Variants in ATRN observed in about 807,000 individuals in gnomAD.
The protein encoded by ATRN is attractin-2.
A neutral mutation model predicts 178.7 loss-of-function variants in ATRN; 54 were observed. The ratio of observed to expected loss-of-function variants is 0.30; its 90% CI spans 0.24 to 0.38. The LOEUF is 0.38. ATRN is among the 10% of genes least tolerant of loss of function. The pLI is 1.00. For synonymous variants in ATRN, 636 were observed against 663.0 expected, an observed-to-expected ratio of 0.96 and a Z score of 0.63; for missense variants, 1,443 against 1,815.1, an observed-to-expected ratio of 0.79 and a Z score of 3.73.
intron 4 of ATRN, 71 bp from the exon 5 acceptor site, chr20:3,547,213 G>C: frequency 8.4e-7 from 1 of 1,190,306 alleles, no homozygotes; most frequent in Admixed American, 1.8e-5. Context: ...AAACTTGTGT[G>C]GGAGGAAGTT....
intron 1 of ATRN, 57 bp downstream of exon 1, chr20:3,471,574 C>G: frequency 7.4e-7 from 1 of 1,359,464 alleles, no homozygotes; most frequent in Non-Finnish European, 9.4e-7. Flanking sequence ...GGCTGAGGGG[C>G]GTTCGAGACG....
chr20:3,640,715 C>T (rs924452983), intron 27 of ATRN, among the ~76,000 whole-genome samples: 1 of 152,164 alleles, frequency 6.6e-6, no homozygotes, highest in Non-Finnish European at 1.5e-5. Context: ...CCACTATTCC[C>T]CCCAGAATTA....
intron 25 of ATRN, 91 bp from the exon 26 acceptor site, chr20:3,634,220 G>A: frequency 8.8e-7 from 1 of 1,134,180 alleles, no homozygotes. Context: ...GCATGTGGGA[G>A]CTGTTTTCAC....
At chr20:3,490,745 T>C (rs2084780835) in intron 1 of ATRN, 6 of 791,826 alleles carry the variant, frequency 7.6e-6, no homozygotes, top group Admixed American at 1.7e-5. Flanking sequence ...GGAATTCCTT[T>C]ATTTACTCGA....
chr20:3,472,545 A>G (rs6051885), intron 1 of ATRN, among the ~76,000 whole-genome samples: 143,137 of 152,274 alleles, frequency 0.94, 67,297 homozygotes, highest in South Asian at 0.99. Flanking sequence ...TGAGAGAAAT[A>G]AACATGGTAA....
chr20:3,554,417 G>C (rs1230155661), intron 6 of ATRN, among the ~76,000 whole-genome samples: 3 of 151,676 alleles, frequency 2.0e-5, no homozygotes, highest in South Asian at 2.1e-4. Context: ...CTCACTGCAG[G>C]CTCCGCCTCC....
chr20:3,609,803 C>G (rs1431514376), intron 24 of ATRN, among the ~76,000 whole-genome samples: 1 of 150,730 alleles, frequency 6.6e-6, no homozygotes, highest in Non-Finnish European at 1.5e-5. Flanking sequence ...CTGATACATG[C>G]GACAACACAA....
intron 1 of ATRN, among the ~76,000 whole-genome samples, chr20:3,493,129 TG>T (rs2084830218): frequency 9.4e-6 from 1 of 106,674 alleles, no homozygotes; most frequent in African/African-American, 2.9e-5. Flanking sequence ...TGTTTGTGTG[TG>T]TGTGTGTGTG....
intron 24 of ATRN, 97 bp downstream of exon 24, chr20:3,604,359 G>A: frequency 1.4e-6 from 2 of 1,379,862 alleles, no homozygotes; most frequent in Non-Finnish European, 2.0e-6. Context: ...AATGAGATGT[G>A]CAATGTGGCT....
At chr20:3,518,338 A>G (rs1422732111) in intron 1 of ATRN, among the ~76,000 whole-genome samples, 1 of 152,206 alleles carries the variant, frequency 6.6e-6, no homozygotes, top group Non-Finnish European at 1.5e-5. Flanking sequence ...CCGAGGAAAA[A>G]GCCCATAAGG....
intron 1 of ATRN, among the ~76,000 whole-genome samples, chr20:3,530,465 G>A (rs2085438712): frequency 6.8e-6 from 1 of 147,434 alleles, no homozygotes; most frequent in African/African-American, 2.5e-5. Flanking sequence ...ATTTTTAGTA[G>A]AGATGGGTTT....
intron 1 of ATRN, among the ~76,000 whole-genome samples, chr20:3,517,725 G>A (rs1050907460): frequency 4.6e-5 from 7 of 151,180 alleles, no homozygotes; most frequent in Admixed American, 1.3e-4. Flanking sequence ...CAGCCAACAC[G>A]GTGCCACTGC....
chr20:3,518,298 G>C (rs963450306), intron 1 of ATRN, among the ~76,000 whole-genome samples: 7 of 152,194 alleles, frequency 4.6e-5, no homozygotes, highest in Non-Finnish European at 1.0e-4. Context: ...CTGCCTGCAG[G>C]CTCCGTGCTT....
At chr20:3,540,885 A>T (rs539675750) in intron 3 of ATRN, among the ~76,000 whole-genome samples, 23 of 151,910 alleles carry the variant, frequency 1.5e-4, no homozygotes, top group African/African-American at 4.1e-4. Flanking sequence ...TATTATATAT[A>T]TTTTTTTTCA....
chr20:3,494,106 A>G (rs1467451940), intron 1 of ATRN, among the ~76,000 whole-genome samples: 1 of 152,218 alleles, frequency 6.6e-6, no homozygotes, highest in African/African-American at 2.4e-5. Flanking sequence ...CTTGGGGCAC[A>G]GGTTCCCAGA....
intron 1 of ATRN, among the ~76,000 whole-genome samples, chr20:3,510,257 C>G (rs2085106464): frequency 1.3e-5 from 2 of 152,190 alleles, no homozygotes; most frequent in African/African-American, 2.4e-5. Flanking sequence ...ACACTTTAAT[C>G]TAGAACAGAG....
At chr20:3,479,403 G>A (rs1043814695) in intron 1 of ATRN, among the ~76,000 whole-genome samples, 3 of 152,136 alleles carry the variant, frequency 2.0e-5, no homozygotes, top group Admixed American at 6.5e-5. Context: ...GCAATATGTG[G>A]TGCTGGACTA....
intron 12 of ATRN, among the ~76,000 whole-genome samples, chr20:3,573,456 G>T (rs464181): frequency 0.75 from 114,097 of 151,692 alleles, 43,337 homozygotes; most frequent in East Asian, 1. Context: ...CATTAAGGAT[G>T]AAGTTAGGAG....
chr20:3,525,948 T>C (rs915733269), intron 1 of ATRN, among the ~76,000 whole-genome samples: 1 of 152,190 alleles, frequency 6.6e-6, no homozygotes, highest in Admixed American at 6.5e-5. Context: ...AATATCATAC[T>C]GAATGGGAAA....
Sources: gnomAD v4.1 joint callset for allele counts (sites outside exome capture counted in the v4.1 genomes callset) on GRCh38, gnomAD v4.1.1 for gene constraint, MANE v1.5 for transcripts, NCBI Gene and HGNC (gene_info 2026-07-23, HGNC 2026-07-21) for gene names.